The following RERG variants were observed in gnomAD, a reference collection of about 807,000 sequenced individuals.
RERG encodes the protein RAS like estrogen regulated growth inhibitor.
Under a neutral mutation model 23.2 loss-of-function variants are expected in RERG, and 25 were observed. The observed-to-expected ratio is 1.08, with a 90% confidence interval of 0.79 to 1.50. RERG has a LOEUF of 1.50. Among genes scored for constraint, RERG ranks in the 40% most tolerant of loss-of-function variants. The probability of loss-of-function intolerance (pLI) is 0.00; values close to 1 mark genes in which losing one functional copy is unlikely to be tolerated. For synonymous variants in RERG, 81 were observed against 89.1 expected, an observed-to-expected ratio of 0.91 and a Z score of 0.51; for missense variants, 253 against 250.1, an observed-to-expected ratio of 1.01 and a Z score of -0.08.
chr12:15,195,600 T>TGTGC lies in RERG; in HGVS notation c.61+21828_61+21829insGCAC, dbSNP rs1865134086. Among the ~76,000 whole-genome samples the TGTGC allele has an allele frequency of 4.1e-5, 6 of 144,766 alleles. No homozygotes were observed. The South Asian group carries it at 1.3e-3, about 32-fold the overall frequency. The allele number at this position is 144,766 out of a possible 152,430, so 95.0% of individuals were successfully genotyped here. A position where few individuals can be genotyped will look rare whatever the true frequency, so the allele number is the denominator to read the frequency against. Reference sequence around the variant, plus strand: ...GTGTGTGTGTGTGTGTGTGTGTGTGTGCATGTGTGTGTTGTATTCTGTTGG... The same window carrying TGTGC: ...GTGTGTGTGTGTGTGTGTGTGTGTGTGTGCGCATGTGTGTGTTGTATTCTGTTGG... On this transcript the variant is annotated intron_variant, in intron 2 of 4. Transcript: ENST00000256953.
Position 15,151,175 on chromosome 12 carries a change from G to A in RERG, c.62-30056C>T, listed in dbSNP as rs117655034. Among the ~76,000 whole-genome samples the A allele has an allele frequency of 1.8e-4, 27 of 152,002 alleles. No homozygotes were observed. The East Asian group carries it at 4.8e-3, about 27-fold the overall frequency. On this transcript the variant is annotated intron_variant, in intron 2 of 4. Coordinates refer to ENST00000256953, the MANE Select transcript of RERG (RefSeq NM_032918.3). ...GATTTTTTTCCTCTGTATTTTCTAC[G>A]TTTTCTATAATGAACACACTTAATC...
chr12:15,218,355 T>G (rs1865470986), intron 1 of RERG, among the ~76,000 whole-genome samples: 1 of 151,994 alleles, frequency 6.6e-6, no homozygotes, highest in South Asian at 2.1e-4. Flanking sequence ...GCTTTAGGAG[T>G]GACATCTAGG....
At chr12:15,129,183 T>C (rs55915611) in intron 2 of RERG, among the ~76,000 whole-genome samples, 2,575 of 152,158 alleles carry the variant, frequency 0.017, 65 homozygotes, top group African/African-American at 0.059. Context: ...GTTTGGAATA[T>C]TGGAGCCCTT....
At chr12:15,208,540 G>A (rs934409983) in intron 2 of RERG, among the ~76,000 whole-genome samples, 1 of 152,080 alleles carries the variant, frequency 6.6e-6, no homozygotes, top group African/African-American at 2.4e-5. Context: ...TATTGTGTGA[G>A]GCTCTAGAGG....
chr12:15,143,183 C>A (rs985287250), intron 2 of RERG, among the ~76,000 whole-genome samples: 9 of 152,088 alleles, frequency 5.9e-5, no homozygotes, highest in Admixed American at 6.5e-5. Context: ...TTTGCTTAAG[C>A]ACACTAAAAG....
intron 2 of RERG, among the ~76,000 whole-genome samples, chr12:15,128,291 GT>G (rs926168858): frequency 6.6e-6 from 1 of 152,086 alleles, no homozygotes; most frequent in Non-Finnish European, 1.5e-5. Context: ...GAAGATTTTT[GT>G]TTTTTTCTTG....
At chr12:15,127,167 A>G (rs1342523932) in intron 2 of RERG, among the ~76,000 whole-genome samples, 1 of 152,176 alleles carries the variant, frequency 6.6e-6, no homozygotes, top group African/African-American at 2.4e-5. Context: ...TTACCTTGTA[A>G]ACATTTATTT....
intron 2 of RERG, among the ~76,000 whole-genome samples, chr12:15,123,998 C>A (rs1215625760): frequency 6.6e-6 from 1 of 152,122 alleles, no homozygotes; most frequent in Non-Finnish European, 1.5e-5. Context: ...TAATTTACAA[C>A]CTACTTGGCT....
intron 2 of RERG, among the ~76,000 whole-genome samples, chr12:15,164,596 T>C (rs1864659822): frequency 6.6e-6 from 1 of 152,210 alleles, no homozygotes; most frequent in Non-Finnish European, 1.5e-5. Flanking sequence ...ACCGCCTTGA[T>C]ATAGTCAACA....
intron 2 of RERG, among the ~76,000 whole-genome samples, chr12:15,133,557 G>A (rs1864091687): frequency 1.3e-5 from 2 of 152,084 alleles, no homozygotes; most frequent in Admixed American, 6.5e-5. Flanking sequence ...AAATATCCAC[G>A]GGCAGGTTTT....
chr12:15,142,237 T>G (rs1224415918), intron 2 of RERG, among the ~76,000 whole-genome samples: 2 of 152,234 alleles, frequency 1.3e-5, no homozygotes, highest in Admixed American at 1.3e-4. Flanking sequence ...TTATTCAAAT[T>G]AGAAGATTCC....
At chr12:15,208,396 C>T (rs566119663) in intron 2 of RERG, among the ~76,000 whole-genome samples, 1 of 152,254 alleles carries the variant, frequency 6.6e-6, no homozygotes, top group Admixed American at 6.5e-5. Context: ...GGCAAGGAAA[C>T]CACTTTGGTC....
chr12:15,193,054 A>G (rs1374070538), intron 2 of RERG, among the ~76,000 whole-genome samples: 1 of 152,120 alleles, frequency 6.6e-6, no homozygotes, highest in East Asian at 1.9e-4. Context: ...TAAGGGGAGA[A>G]CTATGGGATT....
At chr12:15,137,228 C>T (rs1313472431) in intron 2 of RERG, among the ~76,000 whole-genome samples, 1 of 151,602 alleles carries the variant, frequency 6.6e-6, no homozygotes, top group African/African-American at 2.4e-5. Flanking sequence ...TATAGCTATT[C>T]CAGTTTTCTT....
intron 2 of RERG, among the ~76,000 whole-genome samples, chr12:15,123,580 A>C (rs1863879415): frequency 6.8e-6 from 1 of 146,984 alleles, no homozygotes; most frequent in African/African-American, 2.5e-5. Context: ...TTAAATAATA[A>C]AATTTTATCC....
At chr12:15,148,455 T>C (rs1864371418) in intron 2 of RERG, among the ~76,000 whole-genome samples, 1 of 152,184 alleles carries the variant, frequency 6.6e-6, no homozygotes, top group African/African-American at 2.4e-5. Context: ...CCAGTGCTGG[T>C]CAGCTACAGT....
chr12:15,120,621 C>T (rs1401129183), intron 3 of RERG, among the ~76,000 whole-genome samples: 3 of 152,084 alleles, frequency 2.0e-5, no homozygotes, highest in Admixed American at 6.6e-5. Flanking sequence ...AGGCTTTAGT[C>T]GGATGTATTG....
At chr12:15,209,448 G>A (rs551950204) in intron 2 of RERG, among the ~76,000 whole-genome samples, 2 of 152,116 alleles carry the variant, frequency 1.3e-5, no homozygotes, top group East Asian at 3.9e-4. Context: ...AGGACACAGT[G>A]TAATGTAGGC....
intron 2 of RERG, among the ~76,000 whole-genome samples, chr12:15,215,722 G>A (rs979897169): frequency 6.6e-6 from 1 of 152,106 alleles, no homozygotes; most frequent in Non-Finnish European, 1.5e-5. Context: ...AGACATGCGT[G>A]AGGAAAAATG....
Sources: allele counts gnomAD v4.1 joint callset (sites outside exome capture counted in the v4.1 genomes callset), GRCh38; gene constraint gnomAD v4.1.1; transcripts MANE v1.5; gene names NCBI Gene and HGNC (gene_info 2026-07-23, HGNC 2026-07-21).